The following PCDH9 variants were observed in gnomAD, a reference collection of about 807,000 sequenced individuals.
PCDH9 encodes protocadherin 9, also known as protocadherin-9.
PCDH9 carries 24 observed loss-of-function variants against 70.6 expected under a neutral mutation model. The ratio of observed to expected loss-of-function variants is 0.34; its 90% confidence interval spans 0.25 to 0.48. The LOEUF is 0.48. PCDH9 is among the 20% of genes least tolerant of loss of function. The pLI, the probability that PCDH9 is intolerant of heterozygous loss-of-function variation, is 0.99. For missense variants in PCDH9, 1,281 were observed against 1,503.6 expected (o/e 0.85, Z 2.45); for synonymous variants, 562 against 558.5 (o/e 1.01, Z -0.09).
At chr13:67,173,363 G>T (rs1012523700) in intron 2 of PCDH9, among the ~76,000 whole-genome samples, 1 of 152,154 alleles carries the variant, frequency 6.6e-6, no homozygotes, top group Non-Finnish European at 1.5e-5. Context: ...TATTAAATCA[G>T]AAAATGTAGG....
intron 4 of PCDH9, among the ~76,000 whole-genome samples, chr13:66,536,594 A>G (rs1306691141): frequency 6.6e-6 from 1 of 152,132 alleles, no homozygotes; most frequent in Non-Finnish European, 1.5e-5. Flanking sequence ...AAGACAATAC[A>G]AATACAAATG....
chr13:66,771,292 T>C (rs2079802839), intron 3 of PCDH9, among the ~76,000 whole-genome samples: 2 of 152,310 alleles, frequency 1.3e-5, no homozygotes, highest in Middle Eastern at 3.4e-3. Context: ...GCTTTAGATC[T>C]ATAGGAGAAT....
intron 3 of PCDH9, among the ~76,000 whole-genome samples, chr13:66,868,712 A>G (rs74383099): frequency 0.034 from 5,130 of 152,192 alleles, 280 homozygotes; most frequent in African/African-American, 0.11. Context: ...ATTAAGAGAC[A>G]TATGACATGA....
chr13:66,908,314 C>T (rs1469010522), intron 2 of PCDH9, among the ~76,000 whole-genome samples: 1 of 152,174 alleles, frequency 6.6e-6, no homozygotes, highest in African/African-American at 2.4e-5. Context: ...ACACTCATGG[C>T]TTTCTTTCTT....
At chr13:66,354,447 A>G (rs1956345568) in intron 4 of PCDH9, among the ~76,000 whole-genome samples, 1 of 152,082 alleles carries the variant, frequency 6.6e-6, no homozygotes. Flanking sequence ...TATTGGCCCC[A>G]ATGATCTTGA....
chr13:66,571,072 A>T (rs1170084324), intron 4 of PCDH9, among the ~76,000 whole-genome samples: 3 of 152,084 alleles, frequency 2.0e-5, no homozygotes, highest in African/African-American at 7.2e-5. Flanking sequence ...CATAGATATA[A>T]AATCTTACTA....
intron 4 of PCDH9, among the ~76,000 whole-genome samples, chr13:66,551,439 C>T (rs1961485250): frequency 6.6e-6 from 1 of 152,004 alleles, no homozygotes; most frequent in Non-Finnish European, 1.5e-5. Context: ...AAGCAGGTGG[C>T]AACATAGGGG....
At chr13:67,191,410 G>A (rs1231003569) in intron 2 of PCDH9, among the ~76,000 whole-genome samples, 1 of 152,048 alleles carries the variant, frequency 6.6e-6, no homozygotes. Context: ...GAATAAATTT[G>A]AAGAATTTAT....
chr13:66,454,153 CT>C (rs79968640), intron 4 of PCDH9, among the ~76,000 whole-genome samples: 7 of 150,590 alleles, frequency 4.6e-5, no homozygotes, highest in South Asian at 2.1e-4. Context: ...TTGTTTTTTT[CT>C]TTTTTTTTAA....
At chr13:66,831,311 A>C (rs2080921239) in intron 3 of PCDH9, among the ~76,000 whole-genome samples, 1 of 152,210 alleles carries the variant, frequency 6.6e-6, no homozygotes, top group African/African-American at 2.4e-5. Flanking sequence ...GCTCTTTAAC[A>C]TTGACAGAGT....
intron 4 of PCDH9, among the ~76,000 whole-genome samples, chr13:66,533,736 T>C (rs1960570035): frequency 6.6e-6 from 1 of 152,144 alleles, no homozygotes; most frequent in Admixed American, 6.5e-5. Context: ...ATCTATTTAT[T>C]TAAAAATCTT....
At chr13:66,760,611 A>G (rs1367345090) in intron 3 of PCDH9, among the ~76,000 whole-genome samples, 1 of 152,222 alleles carries the variant, frequency 6.6e-6, no homozygotes, top group Non-Finnish European at 1.5e-5. Flanking sequence ...GTGTTTGAAC[A>G]ATATGAAATC....
intron 3 of PCDH9, among the ~76,000 whole-genome samples, chr13:66,896,672 A>G (rs1475608124): frequency 6.6e-6 from 1 of 152,190 alleles, no homozygotes; most frequent in African/African-American, 2.4e-5. Flanking sequence ...AAATTGAAAA[A>G]CATTATGTAG....
At chr13:66,405,303 A>T (rs1957261610) in intron 4 of PCDH9, among the ~76,000 whole-genome samples, 1 of 152,214 alleles carries the variant, frequency 6.6e-6, no homozygotes, top group Non-Finnish European at 1.5e-5. Flanking sequence ...GTTTGCAATA[A>T]GAAACTGTTG....
intron 3 of PCDH9, among the ~76,000 whole-genome samples, chr13:66,894,448 T>A (rs7324151): frequency 0.31 from 47,067 of 152,048 alleles, 7,388 homozygotes; most frequent in East Asian, 0.38. Flanking sequence ...ATAGGTTATG[T>A]TAGCTGCATA....
In PCDH9 at chr13:67,226,808, T is replaced by C; in HGVS notation, c.1633A>G (p.Arg545Gly). ...TGGAGGGGAGGGGTCCCATTGTCCC[T>C]GGCAGTTACTGTAAAAATGAATCGT... ...QERFIFTVTARDNGTPPLQSQ... is the reference protein window; with the variant it reads ...QERFIFTVTAGDNGTPPLQSQ... Residue 545 changes from arginine to glycine, a missense_variant, in exon 2 of 5, where the codon AGG (arginine) becomes GGG (glycine). Arg to Gly is a moderately radical substitution (Grantham distance 125). Transcript: ENST00000377865. The surrounding 1 kb of genome is among the most constrained non-coding windows in gnomAD (Gnocchi z 5.0). The C allele has an allele frequency of 6.2e-7, 1 of 1,614,114 alleles. No individual in the cohort carries two copies. Among genetic ancestry groups the C allele is most frequent in the Non-Finnish European group, 8.5e-7 (1 of 1,179,968 alleles).
intron 4 of PCDH9, among the ~76,000 whole-genome samples, chr13:66,502,867 T>C (rs1478433338): frequency 6.6e-6 from 1 of 152,206 alleles, no homozygotes; most frequent in African/African-American, 2.4e-5. Context: ...TGTGATTTGT[T>C]TCTGCACTTG....
chr13:66,667,338 A>AT (rs1215259403), intron 3 of PCDH9, among the ~76,000 whole-genome samples: 1 of 152,224 alleles, frequency 6.6e-6, no homozygotes, highest in African/African-American at 2.4e-5. Flanking sequence ...ATTTCTAAAC[A>AT]TTTGGATATT....
At chr13:66,493,488 A>C (rs1456555612) in intron 4 of PCDH9, among the ~76,000 whole-genome samples, 1 of 152,140 alleles carries the variant, frequency 6.6e-6, no homozygotes. Flanking sequence ...GAAATTATTC[A>C]CTTATATCTC....
Sources: gnomAD v4.1 joint callset for allele counts (sites outside exome capture counted in the v4.1 genomes callset) on GRCh38, gnomAD v4.1.1 for gene constraint, Gnocchi (gnomAD v3.1) non-coding constraint, MANE v1.5 for transcripts, NCBI Gene and HGNC (gene_info 2026-07-23, HGNC 2026-07-21) for gene names.